MCPH1: variants seen among roughly 807,000 people sequenced by gnomAD.
The protein encoded by MCPH1 is microcephalin 1, also known as microcephalin.
Under a neutral mutation model 84.5 loss-of-function variants are expected in MCPH1, and 104 were observed. The observed-to-expected ratio is 1.23, with a 90% CI of 1.05 to 1.45. MCPH1 has a LOEUF of 1.45. MCPH1 is among the 40% of genes most tolerant of loss of function. The pLI, the probability that MCPH1 is intolerant of heterozygous loss-of-function variation, is 0.00. For missense variants in MCPH1, 1,498 were observed against 1,005.7 expected, an observed-to-expected ratio of 1.49 and a Z score of -6.62; for synonymous variants, 514 against 366.8, an observed-to-expected ratio of 1.40 and a Z score of -4.58.
intron 9 of MCPH1, among the ~76,000 whole-genome samples, chr8:6,459,443 T>C (rs1303182205): frequency 6.6e-6 from 1 of 152,200 alleles, no homozygotes; most frequent in Non-Finnish European, 1.5e-5. Flanking sequence ...TTTTTATGTA[T>C]AAGGACATAT....
intron 13 of MCPH1, chr8:6,626,406 G>A: frequency 1.0e-6 from 1 of 984,684 alleles, no homozygotes; most frequent in African/African-American, 1.8e-5. Flanking sequence ...ATTGTACTTG[G>A]GCCAAGATTC....
At chr8:6,468,761 T>G (rs2129558319) in intron 9 of MCPH1, among the ~76,000 whole-genome samples, 1 of 152,148 alleles carries the variant, frequency 6.6e-6, no homozygotes, top group Non-Finnish European at 1.5e-5. Context: ...TGAAACTGTT[T>G]GGAAAAGGTA....
At chr8:6,532,598 CA>C in intron 12 of MCPH1, 1 of 749,834 alleles carries the variant, frequency 1.3e-6, no homozygotes, top group Non-Finnish European at 1.9e-6. Context: ...AAAAATCTAT[CA>C]AAAGACTTGT....
At chr8:6,554,784 A>G (rs998099494) in intron 12 of MCPH1, among the ~76,000 whole-genome samples, 1 of 152,142 alleles carries the variant, frequency 6.6e-6, no homozygotes, top group Admixed American at 6.5e-5. Context: ...GGTTTCAATC[A>G]GGTTCTAGAT....
intron 6 of MCPH1, among the ~76,000 whole-genome samples, chr8:6,440,434 C>T (rs931944165): frequency 3.3e-5 from 5 of 152,160 alleles, no homozygotes; most frequent in South Asian, 4.2e-4. Flanking sequence ...CCCTGTGTTG[C>T]GCAGGCAGGA....
rs1396686889 is a variant in MCPH1 at position 6,645,670 on chromosome 8, C to T, written c.*2621C>T. 1 of 134,712 alleles carries T rather than the reference C, an allele frequency of 7.4e-6. No homozygotes were observed. Among genetic ancestry groups the T allele is most frequent in the South Asian group, 2.5e-4 (1 of 4,070 alleles). The allele number at this position is 134,712 out of a possible 1,614,324, so 8.3% of individuals were successfully genotyped here. A position where few individuals can be genotyped will look rare whatever the true frequency, so the allele number is the denominator to read the frequency against. ...ACAAGTTTAGCAAGATTGCAATATA[C>T]AATCTTGCAATCTTCCTAAAGATTA... On this transcript the variant is annotated 3_prime_UTR_variant, in exon 14 of 14. Coordinates refer to ENST00000344683, the MANE Select transcript of MCPH1 (RefSeq NM_024596.5).
In MCPH1 at chr8:6,442,236, C is replaced by T. The variant is rs532951635; in HGVS notation, c.670+80C>T. 189 of 884,060 alleles carry T rather than the reference C, an allele frequency of 2.1e-4. 2 individuals carry two copies. The South Asian group carries it at 2.6e-3, about 12-fold the overall frequency. 54.8% of individuals were successfully genotyped at this position (884,060 alleles called of 1,614,324 possible). ...TTTTCTGATTTAGAATTTCATGTAG[C>T]AACTTCTGATGAGTAAAATAATTAG... On this transcript the variant is annotated intron_variant, in intron 7 of 13. Transcript: ENST00000344683.
chr8:6,418,120 T>C (rs1305610827), intron 3 of MCPH1, among the ~76,000 whole-genome samples: 2 of 152,166 alleles, frequency 1.3e-5, no homozygotes, highest in Admixed American at 6.5e-5. Flanking sequence ...GTTTCTCCTA[T>C]GGTTCTCTTA....
chr8:6,429,492 C>G (rs1294018367), intron 3 of MCPH1, among the ~76,000 whole-genome samples: 2 of 152,038 alleles, frequency 1.3e-5, no homozygotes, highest in African/African-American at 4.8e-5. Flanking sequence ...TCCAGATGGA[C>G]TCCTCCCCCG....
chr8:6,431,789 G>GA (rs1246007637), intron 4 of MCPH1, among the ~76,000 whole-genome samples: 3 of 152,154 alleles, frequency 2.0e-5, no homozygotes, highest in Admixed American at 1.3e-4. Context: ...GCATTTGTAT[G>GA]AAATGGAAAA....
intron 12 of MCPH1, among the ~76,000 whole-genome samples, chr8:6,585,001 A>G (rs1827856272): frequency 6.6e-6 from 1 of 152,202 alleles, no homozygotes; most frequent in Admixed American, 6.5e-5. Context: ...GAAGCAGTAG[A>G]TATCCCCTCT....
intron 12 of MCPH1, chr8:6,501,239 C>T (rs994093921): frequency 2.0e-5 from 3 of 152,084 alleles, no homozygotes; most frequent in Non-Finnish European, 1.5e-5. Context: ...TGTTCTAAAA[C>T]TACGTCAAGT....
intron 12 of MCPH1, among the ~76,000 whole-genome samples, chr8:6,592,701 C>A (rs1433521188): frequency 7.0e-6 from 1 of 142,004 alleles, no homozygotes; most frequent in Non-Finnish European, 1.5e-5. Flanking sequence ...GTCACCCAGG[C>A]TGAAGTGCAG....
chr8:6,421,013 G>C (rs186004961), intron 3 of MCPH1, among the ~76,000 whole-genome samples: 2 of 152,164 alleles, frequency 1.3e-5, no homozygotes, highest in East Asian at 1.9e-4. Context: ...GTTTAACCTT[G>C]ATCCTGGGAT....
At chr8:6,620,558 C>G (rs1160535266) in intron 12 of MCPH1, among the ~76,000 whole-genome samples, 1 of 152,186 alleles carries the variant, frequency 6.6e-6, no homozygotes, top group African/African-American at 2.4e-5. Context: ...CCCTTCATCC[C>G]TTCCCCGAAA....
Position 6,646,230 on chromosome 8 carries a change from G to A in MCPH1, c.*3181G>A, listed in dbSNP as rs1056043454. 8 of 152,158 alleles carry A rather than the reference G, an allele frequency of 5.3e-5. No individual in the cohort carries two copies. The highest frequency in any genetic ancestry group is 1.9e-4 in the African/African-American group (8 of 41,430). The allele number at this position is 152,158 out of a possible 1,614,324, so 9.4% of individuals were successfully genotyped here. On this transcript the variant is annotated 3_prime_UTR_variant, in exon 14 of 14. Transcript: ENST00000344683. ...ACTTGAAGTCGGGAGTTTAAGACCA[G>A]CCTGGCCAACTTGGTGAAACCTTGT...
At chr8:6,632,570 A>AATTCC (rs1487418764) in intron 13 of MCPH1, among the ~76,000 whole-genome samples, 1 of 152,152 alleles carries the variant, frequency 6.6e-6, no homozygotes, top group East Asian at 1.9e-4. Context: ...AACACTTTGG[A>AATTCC]AGGCCGAGGG....
At chr8:6,505,241 T>TATATATATATATTCTTATGTATATATAGA in intron 12 of MCPH1, among the ~76,000 whole-genome samples, 3 of 113,428 alleles carry the variant, frequency 2.6e-5, no homozygotes, top group Non-Finnish European at 5.1e-5. Flanking sequence ...ATATATAGAA[T>TATATATATATATTCTTATGTATATATAGA]ATATATTCTT....
rs60031731 is a variant in MCPH1 at position 6,414,329 on chromosome 8, A to G, written c.115-436A>G. On this transcript the variant is annotated intron_variant, in intron 2 of 13. Coordinates refer to ENST00000344683, the MANE Select transcript of MCPH1 (RefSeq NM_024596.5). The stretch of plus-strand genomic sequence containing the variant: ...AGCCATGGATACAGTATCTTAAGAT[A>G]TGAGGTATTTTTAATTTTGGTTAAA... Among the ~76,000 whole-genome samples, 200 of 152,360 alleles carry G rather than the reference A, an allele frequency of 1.3e-3. 5 individuals carry two copies. The East Asian group carries it at 0.032, about 24-fold the overall frequency.
Sources: gnomAD v4.1 joint callset for allele counts (sites outside exome capture counted in the v4.1 genomes callset) on GRCh38, gnomAD v4.1.1 for gene constraint, MANE v1.5 for transcripts, NCBI Gene and HGNC (gene_info 2026-07-23, HGNC 2026-07-21) for gene names.